ANTXR2: variants seen among roughly 807,000 people sequenced by gnomAD.
The protein encoded by ANTXR2 is ANTXR cell adhesion molecule 2.
ANTXR2 carries 44 observed loss-of-function variants against 73.7 expected under a neutral mutation model. The observed-to-expected ratio is 0.60, with a 90% CI of 0.47 to 0.77. ANTXR2 has a LOEUF of 0.77. ANTXR2 is among the 30% of genes least tolerant of loss of function. The pLI is 0.00. For missense variants in ANTXR2, 604 were observed against 592.5 expected, an observed-to-expected ratio of 1.02 and a Z score of -0.20; for synonymous variants, 217 against 205.9, an observed-to-expected ratio of 1.05 and a Z score of -0.46.
chr4:80,015,640 A>G (rs1474101114), intron 11 of ANTXR2, among the ~76,000 whole-genome samples: 2 of 152,078 alleles, frequency 1.3e-5, no homozygotes, highest in African/African-American at 4.8e-5. Flanking sequence ...AACCTGAAAA[A>G]AAAAATCTGC....
intron 6 of ANTXR2, 120 bp from the exon 7 acceptor site, chr4:80,054,472 C>T (rs1733901428): frequency 7.3e-6 from 5 of 682,700 alleles, no homozygotes; most frequent in Non-Finnish European, 1.2e-5. Context: ...AATTTACCAG[C>T]GTGATCTGTG....
intron 3 of ANTXR2, among the ~76,000 whole-genome samples, chr4:80,063,331 G>A (rs1025680946): frequency 2.0e-5 from 3 of 152,030 alleles, no homozygotes; most frequent in African/African-American, 7.2e-5. Context: ...AAAACCTCAG[G>A]ACTCTCCATA....
chr4:79,987,121 A>T (rs532700713), intron 12 of ANTXR2, among the ~76,000 whole-genome samples: 2 of 152,224 alleles, frequency 1.3e-5, no homozygotes, highest in East Asian at 3.9e-4. Flanking sequence ...CTATCTCAAT[A>T]ACTCCCCCAG....
rs575429254 is a variant in ANTXR2, at chr4:79,946,988, C to T, written c.1428+30633G>A. 8.2e-4 allele frequency among the ~76,000 whole-genome samples: 125 copies of T among 152,180 alleles called. 1 individual carries two copies. Among genetic ancestry groups the T allele is most frequent in the African/African-American group, 2.9e-3 (120 of 41,536 alleles). ...TTAAATGCCCATGTAGGTAATAATC[C>T]AAATTGCTGTGAATCTCTTCTGTGT... is the stretch of plus-strand genomic sequence containing the variant. On this transcript the variant is annotated intron_variant, in intron 16 of 16. Transcript: ENST00000403729.
chr4:80,046,456 G>T (rs1733518039), intron 7 of ANTXR2, among the ~76,000 whole-genome samples: 1 of 151,628 alleles, frequency 6.6e-6, no homozygotes, highest in South Asian at 2.1e-4. Context: ...TATAAAAACT[G>T]CCTTGAACTT....
At chr4:80,019,490 C>CAT in intron 10 of ANTXR2, among the ~76,000 whole-genome samples, 1 of 152,150 alleles carries the variant, frequency 6.6e-6, no homozygotes, top group Non-Finnish European at 1.5e-5. Context: ...TGTTTCTTTA[C>CAT]AAAGTAGTAA....
At chr4:80,013,287 T>C (rs1463547276) in intron 11 of ANTXR2, among the ~76,000 whole-genome samples, 11 of 152,182 alleles carry the variant, frequency 7.2e-5, no homozygotes, top group Admixed American at 1.3e-4. Flanking sequence ...ATTTAGGAAA[T>C]AATTTTGGAG....
chr4:80,048,631 T>G lies in ANTXR2; in HGVS notation c.636+5641A>C, dbSNP rs181481080. On this transcript the variant is annotated intron_variant, in intron 7 of 16. Transcript: ENST00000403729. ...CAGAGTGTGCTAAAATCACTTAAGC[T>G]AAGGTATTATCAGAGTGTTTATTAG... is the stretch of plus-strand genomic sequence containing the variant. 2.2e-3 allele frequency among the ~76,000 whole-genome samples: 332 copies of G among 151,856 alleles called. 1 individual carries two copies. Among genetic ancestry groups the G allele is most frequent in the African/African-American group, 7.6e-3 (315 of 41,512 alleles).
intron 12 of ANTXR2, among the ~76,000 whole-genome samples, chr4:79,988,406 A>G (rs999909724): frequency 2.3e-4 from 35 of 151,554 alleles, no homozygotes; most frequent in Non-Finnish European, 7.4e-5. Context: ...AAAGACAAAG[A>G]GCATTGCATA....
At chr4:80,000,197 T>G (rs1235902107) in intron 12 of ANTXR2, among the ~76,000 whole-genome samples, 1 of 152,058 alleles carries the variant, frequency 6.6e-6, no homozygotes, top group East Asian at 1.9e-4. Flanking sequence ...AATTCTTATG[T>G]AGTTGTATCT....
chr4:80,061,296 G>A (rs1734241460), intron 3 of ANTXR2, among the ~76,000 whole-genome samples: 1 of 151,728 alleles, frequency 6.6e-6, no homozygotes, highest in African/African-American at 2.4e-5. Flanking sequence ...GTGTGTGTGT[G>A]TGTGTGTGTG....
At chr4:79,959,307 T>G (rs973936327) in intron 16 of ANTXR2, among the ~76,000 whole-genome samples, 1 of 152,140 alleles carries the variant, frequency 6.6e-6, no homozygotes, top group Admixed American at 6.5e-5. Context: ...ATTTCAGAAT[T>G]GTTCTGTCTT....
At chr4:80,041,269 G>A (rs572724129) in intron 7 of ANTXR2, among the ~76,000 whole-genome samples, 1 of 152,088 alleles carries the variant, frequency 6.6e-6, no homozygotes, top group East Asian at 1.9e-4. Context: ...CCAGGTTTGT[G>A]ATGGATAATC....
intron 16 of ANTXR2, among the ~76,000 whole-genome samples, chr4:79,927,400 C>T (rs1251542370): frequency 6.6e-6 from 1 of 151,782 alleles, no homozygotes; most frequent in African/African-American, 2.4e-5. Context: ...ACAGTTGTTC[C>T]CCAGTATCCA....
chr4:80,022,903 C>T lies in ANTXR2; in HGVS notation c.867-3927G>A, dbSNP rs370633365. On this transcript the variant is annotated intron_variant, in intron 10 of 16. Coordinates refer to ENST00000403729, the MANE Select transcript of ANTXR2 (RefSeq NM_058172.6). ...AATCTGTAAAATGGGGATAACTGTA[C>T]CTATTTCAAAGTTGTTTTAAGGAAC... is the stretch of plus-strand genomic sequence containing the variant. Among the ~76,000 whole-genome samples the T allele has an allele frequency of 3.7e-4, 56 of 152,144 alleles. No homozygotes were observed. In the East Asian group the frequency reaches 6.6e-3, roughly 18 times the overall value.
At chr4:79,960,832 A>G (rs2109994148) in intron 16 of ANTXR2, among the ~76,000 whole-genome samples, 2 of 152,066 alleles carry the variant, frequency 1.3e-5, no homozygotes, top group East Asian at 3.9e-4. Context: ...AATTATTACT[A>G]TTGCATACTA....
intron 2 of ANTXR2, among the ~76,000 whole-genome samples, chr4:80,070,626 T>C (rs1417458475): frequency 6.6e-6 from 1 of 152,222 alleles, no homozygotes; most frequent in African/African-American, 2.4e-5. Context: ...TGGACAGGCA[T>C]ACATTTTTAT....
At chr4:79,989,550 C>G (rs1323367953) in intron 12 of ANTXR2, among the ~76,000 whole-genome samples, 1 of 151,872 alleles carries the variant, frequency 6.6e-6, no homozygotes, top group Non-Finnish European at 1.5e-5. Context: ...TTCTACCAGA[C>G]ATATAGAGAA....
chr4:80,023,315 C>T (rs1266929460), intron 10 of ANTXR2, among the ~76,000 whole-genome samples: 3 of 152,088 alleles, frequency 2.0e-5, no homozygotes, highest in Non-Finnish European at 4.4e-5. Flanking sequence ...GAGCTCTGTG[C>T]TTAAACCTCA....
Sources: allele counts gnomAD v4.1 joint callset (sites outside exome capture counted in the v4.1 genomes callset), GRCh38; gene constraint gnomAD v4.1.1; transcripts MANE v1.5; gene names NCBI Gene and HGNC (gene_info 2026-07-23, HGNC 2026-07-21).